Variants in UBN1 observed in about 807,000 individuals in gnomAD.
UBN1 encodes the protein ubinuclein-1.
In UBN1, 17 loss-of-function variants were observed where a neutral mutation model predicts 108.5. That is an observed-to-expected ratio of 0.16 (90% CI 0.11 to 0.24). The LOEUF (loss-of-function observed/expected upper bound fraction) is 0.24. Among genes scored for constraint, UBN1 ranks in the 10% least tolerant of loss-of-function variants. The pLI is 1.00. For synonymous variants in UBN1, 726 were observed against 564.2 expected (o/e 1.29, Z -4.07); for missense variants, 1,595 against 1,394.4 (o/e 1.14, Z -2.29).
intron 2 of UBN1, among the ~76,000 whole-genome samples, chr16:4,855,367 C>T (rs955180764): frequency 6.6e-6 from 1 of 152,048 alleles, no homozygotes; most frequent in Non-Finnish European, 1.5e-5. Flanking sequence ...GTAATCCCAG[C>T]ACTTTGGGAG....
intron 14 of UBN1, among the ~76,000 whole-genome samples, 161 bp downstream of exon 14, chr16:4,873,234 C>G (rs998911504): frequency 6.6e-6 from 1 of 152,174 alleles, no homozygotes; most frequent in African/African-American, 2.4e-5. Context: ...GAGACCCAAG[C>G]CACTTAACCC....
chr16:4,877,655 T>C lies in UBN1; in HGVS notation c.3355+181T>C. On this transcript the variant is annotated intron_variant, in intron 17 of 17. Transcript: ENST00000262376. The surrounding 1 kb of genome is among the most constrained non-coding windows in gnomAD (Gnocchi z 4.3). ...GTGACACGCACTTCTACTCTTGGGG[T>C]TTCCTCTGGTCCCCACTTGGAGCTG... is the stretch of plus-strand genomic sequence containing the variant. The C allele has an allele frequency of 7.7e-7, 1 of 1,305,052 alleles. No homozygotes were observed. The highest frequency in any genetic ancestry group is 9.7e-7 in the Non-Finnish European group (1 of 1,027,966). 80.8% of individuals were successfully genotyped at this position (1,305,052 alleles called of 1,614,324 possible). A position where few individuals can be genotyped will look rare whatever the true frequency, so the allele number is the denominator to read the frequency against.
intron 2 of UBN1, among the ~76,000 whole-genome samples, chr16:4,856,828 C>G (rs1176659027): frequency 6.6e-6 from 1 of 152,172 alleles, no homozygotes; most frequent in Non-Finnish European, 1.5e-5. Context: ...GAAAGACTCC[C>G]CATTTGAGGT....
intron 1 of UBN1, among the ~76,000 whole-genome samples, chr16:4,851,497 G>A (rs1006835343): frequency 6.6e-6 from 1 of 152,088 alleles, no homozygotes; most frequent in African/African-American, 2.4e-5. Context: ...AGATCTGGTT[G>A]GAGACGAACA....
At position 4,877,284 on chromosome 16, in the gene UBN1, C is replaced by G; in HGVS notation, c.3266-101C>G. On this transcript the variant is annotated intron_variant, in intron 16 of 17. Coordinates refer to ENST00000262376, the MANE Select transcript of UBN1 (RefSeq NM_001079514.3). This position sits in a 1 kb window ranked among gnomAD's most constrained non-coding sequence, Gnocchi z 4.3. Reference sequence around the variant, plus strand: ...CCTTTGGGTGTGGTGCCCAGACTGGCCTGGCAGGTTATCGGGGGCTTTTGG... The same window carrying G: ...CCTTTGGGTGTGGTGCCCAGACTGGGCTGGCAGGTTATCGGGGGCTTTTGG... 6.5e-7 allele frequency: 1 copy of G among 1,529,328 alleles called. No homozygotes were observed. Among genetic ancestry groups the G allele is most frequent in the Non-Finnish European group, 8.8e-7 (1 of 1,133,098 alleles). 94.7% of individuals were successfully genotyped at this position (1,529,328 alleles called of 1,614,324 possible).
chr16:4,872,800 G>C, intron 12 of UBN1, 84 bp from the exon 13 acceptor site: 1 of 1,496,768 alleles, frequency 6.7e-7, no homozygotes, highest in Non-Finnish European at 9.3e-7. Flanking sequence ...AGCTACTGAG[G>C]ACCAGGGACA....
intron 8 of UBN1, 95 bp from the exon 9 acceptor site, chr16:4,870,117 G>C (rs184319158): frequency 1.3e-6 from 2 of 1,566,288 alleles, no homozygotes; most frequent in African/African-American, 1.4e-5. Flanking sequence ...TTTGACTGCC[G>C]TTGGCTCCTA....
intron 12 of UBN1, among the ~76,000 whole-genome samples, chr16:4,871,576 C>CTTTTTTTTTTTTTTTTTTGTTTTTTTT (rs2087634332): frequency 1.1e-5 from 1 of 88,424 alleles, no homozygotes; most frequent in Non-Finnish European, 2.1e-5. Flanking sequence ...ATGCACTTTC[C>CTTTTTTTTTTTTTTTTTTGTTTTTTTT]TTTTTTTTTT....
Position 4,874,857 on chromosome 16 carries a change from A to G in UBN1, c.2447A>G (p.Asn816Ser), listed in dbSNP as rs1427098256. Reference protein sequence around the residue: ...VFHAGTQQQKNFTPPSPFANK... With the variant: ...VFHAGTQQQKSFTPPSPFANK... ...CATGCCGGCACTCAGCAGCAGAAAA[A>G]CTTCACGCCCCCATCTCCATTTGCC... Residue 816 changes from asparagine to serine, a missense_variant, in exon 15 of 18, where the codon AAC (asparagine) becomes AGC (serine). Asn to Ser is a conservative substitution (Grantham distance 46). Transcript: ENST00000262376. 20 of 1,613,700 alleles carry G rather than the reference A, an allele frequency of 1.2e-5. No individual in the cohort carries two copies. Among genetic ancestry groups the G allele is most frequent in the Non-Finnish European group, 1.7e-5 (20 of 1,180,000 alleles).
chr16:4,867,497 G>A (rs2087394075), intron 7 of UBN1, among the ~76,000 whole-genome samples: 1 of 152,172 alleles, frequency 6.6e-6, no homozygotes, highest in African/African-American at 2.4e-5. Context: ...CCTATACCAG[G>A]CGTTGACTGT....
chr16:4,863,297 C>T lies in UBN1; in HGVS notation c.1110+2195C>T, dbSNP rs377086726. On this transcript the variant is annotated intron_variant, in intron 7 of 17. Coordinates refer to ENST00000262376, the MANE Select transcript of UBN1 (RefSeq NM_001079514.3). ...TGCTACTCCGAAGGGTCCTCAGGTG[C>T]GCTCTTCTGACCAGGGCCCTGCACT... Among the ~76,000 whole-genome samples, 26 of 152,148 alleles carry T rather than the reference C, an allele frequency of 1.7e-4. No homozygotes were observed. In the East Asian group the frequency reaches 2.9e-3, roughly 17 times the overall value.
chr16:4,866,722 A>G (rs2087350778), intron 7 of UBN1, among the ~76,000 whole-genome samples: 1 of 152,176 alleles, frequency 6.6e-6, no homozygotes, highest in African/African-American at 2.4e-5. Context: ...CATGTGCCCA[A>G]GCTGGTCTGA....
chr16:4,879,349 G>A (rs1400903230), intron 17 of UBN1, among the ~76,000 whole-genome samples: 1 of 151,124 alleles, frequency 6.6e-6, no homozygotes, highest in African/African-American at 2.4e-5. Flanking sequence ...AGAGGCAGGA[G>A]GATTGCTTGA....
chr16:4,877,706 G>A lies in UBN1; in HGVS notation c.3355+232G>A. 1 of 1,228,672 alleles carries A rather than the reference G, an allele frequency of 8.1e-7. No individual in the cohort carries two copies. The highest frequency in any genetic ancestry group is 1.0e-6 in the Non-Finnish European group (1 of 985,060). The allele number at this position is 1,228,672 out of a possible 1,614,324, so 76.1% of individuals were successfully genotyped here. On this transcript the variant is annotated intron_variant, in intron 17 of 17. Transcript: ENST00000262376. This position sits in a 1 kb window ranked among gnomAD's most constrained non-coding sequence, Gnocchi z 4.3. ...CCGCCAGGTCAGCCTCAGCCTGTGT[G>A]ATCACAGGGAAAGTTGCGGGGGGCA...
intron 15 of UBN1, among the ~76,000 whole-genome samples, 192 bp from the exon 16 acceptor site, chr16:4,876,679 G>A (rs144616343): frequency 2.4e-4 from 36 of 152,250 alleles, no homozygotes; most frequent in Non-Finnish European, 4.6e-4. Flanking sequence ...TTCCATGTTG[G>A]TTCATAAAGA....
chr16:4,871,273 C>T lies in UBN1; in HGVS notation c.1678C>T (p.Leu560Phe). Residue 560 changes from leucine to phenylalanine, a missense_variant, in exon 12 of 18, where the codon CTC becomes TTC. Coordinates refer to ENST00000262376, the MANE Select transcript of UBN1 (RefSeq NM_001079514.3). ...KGFLDAEVKP[L>F]WPKGWMQART... The stretch of plus-strand genomic sequence containing the variant: ...CTTTCTGGATGCGGAAGTCAAGCCC[C>T]TCTGGCCCAAAGGCTGGATGCAGGC... 1 of 1,614,230 alleles carries T rather than the reference C, an allele frequency of 6.2e-7. No individual in the cohort carries two copies.
chr16:4,874,140 GTA>G, intron 14 of UBN1, 69 bp from the exon 15 acceptor site: 1 of 1,487,004 alleles, frequency 6.7e-7, no homozygotes, highest in South Asian at 1.4e-5. Flanking sequence ...TCACATGTTT[GTA>G]TCCTCACAAC....
At chr16:4,879,198 G>A (rs1378670466) in intron 17 of UBN1, among the ~76,000 whole-genome samples, 1 of 152,036 alleles carries the variant, frequency 6.6e-6, no homozygotes. Context: ...TTGAGATGAT[G>A]GATATGCTAA....
At chr16:4,856,571 C>T (rs17137335) in intron 2 of UBN1, among the ~76,000 whole-genome samples, 2,447 of 152,254 alleles carry the variant, frequency 0.016, 63 homozygotes, top group African/African-American at 0.055. Context: ...AAGTCTGGTA[C>T]GACACAGGCC....
Sources: gnomAD v4.1 joint callset for allele counts (sites outside exome capture counted in the v4.1 genomes callset) on GRCh38, gnomAD v4.1.1 for gene constraint, Gnocchi (gnomAD v3.1) non-coding constraint, MANE v1.5 for transcripts, NCBI Gene and HGNC (gene_info 2026-07-23, HGNC 2026-07-21) for gene names.